LRGUK: variants seen among roughly 807,000 people sequenced by gnomAD.
The protein encoded by LRGUK is leucine-rich repeat and guanylate kinase domain-containing protein.
A neutral mutation model predicts 76.0 loss-of-function variants in LRGUK; 65 were observed. The ratio of observed to expected loss-of-function variants is 0.85; its 90% confidence interval spans 0.70 to 1.05. LRGUK has a LOEUF of 1.05. Ranked by LOEUF, LRGUK falls within the 50% of genes least tolerant of loss-of-function variation. The pLI, the probability that LRGUK is intolerant of heterozygous loss-of-function variation, is 0.00. For missense variants in LRGUK, 758 were observed against 732.8 expected, an observed-to-expected ratio of 1.03 and a Z score of -0.40; for synonymous variants, 268 against 265.6, an observed-to-expected ratio of 1.01 and a Z score of -0.09.
chr7:134,148,992 A>T (rs1040785421), intron 5 of LRGUK, among the ~76,000 whole-genome samples: 2 of 152,130 alleles, frequency 1.3e-5, no homozygotes, highest in African/African-American at 4.8e-5. Flanking sequence ...AGTATTTGAA[A>T]ATCTAGATAT....
chr7:134,164,376 G>A (rs1798884475), intron 7 of LRGUK, among the ~76,000 whole-genome samples: 1 of 152,030 alleles, frequency 6.6e-6, no homozygotes, highest in Non-Finnish European at 1.5e-5. Flanking sequence ...TTGGGGACTG[G>A]GTTTACTCAA....
exon 20 of LRGUK, chr7:134,264,307 G>A (rs1431472402): frequency 5.2e-6 from 1 of 190,910 alleles, no homozygotes; most frequent in Middle Eastern, 1.8e-3. Flanking sequence ...GGAAATATCA[G>A]ATGGAAAAAT....
At chr7:134,203,621 C>A (rs1340933236) in intron 15 of LRGUK, among the ~76,000 whole-genome samples, 1 of 152,130 alleles carries the variant, frequency 6.6e-6, no homozygotes, top group Admixed American at 6.5e-5. Flanking sequence ...CAGGGTATGA[C>A]CTGCTGACTG....
chr7:134,156,761 T>C (rs1450401482), intron 5 of LRGUK, among the ~76,000 whole-genome samples: 1 of 152,154 alleles, frequency 6.6e-6, no homozygotes, highest in Non-Finnish European at 1.5e-5. Flanking sequence ...CTGCCTACAG[T>C]GTGTAGAGTG....
intron 16 of LRGUK, among the ~76,000 whole-genome samples, chr7:134,230,866 G>T (rs1342299793): frequency 6.6e-6 from 1 of 152,212 alleles, no homozygotes; most frequent in East Asian, 1.9e-4. Context: ...TCAGGAGAGT[G>T]CTTATCTCCA....
At chr7:134,129,053 T>TTTTC (rs913292145) in intron 1 of LRGUK, among the ~76,000 whole-genome samples, 6 of 149,762 alleles carry the variant, frequency 4.0e-5, no homozygotes, top group African/African-American at 1.0e-4. Flanking sequence ...TTCTTTTCTT[T>TTTTC]TTTCTTTCTT....
intron 19 of LRGUK, among the ~76,000 whole-genome samples, chr7:134,260,333 G>C (rs540283894): frequency 6.6e-6 from 1 of 152,178 alleles, no homozygotes; most frequent in Non-Finnish European, 1.5e-5. Context: ...ACACATAGCA[G>C]AAGATTGTGT....
At chr7:134,238,689 T>A (rs1191515793) in intron 16 of LRGUK, among the ~76,000 whole-genome samples, 2 of 152,174 alleles carry the variant, frequency 1.3e-5, no homozygotes, top group African/African-American at 2.4e-5. Context: ...GATTGCAGAT[T>A]TTTTTTCTGG....
intron 18 of LRGUK, 80 bp downstream of exon 18, chr7:134,249,156 C>G: frequency 7.3e-7 from 1 of 1,372,038 alleles, no homozygotes; most frequent in Non-Finnish European, 9.6e-7. Flanking sequence ...CTCTAAGCTT[C>G]AGAGAAATCC....
At chr7:134,199,326 G>C in exon 14 of LRGUK, 2 of 1,613,776 alleles carry the variant, frequency 1.2e-6, no homozygotes, top group Non-Finnish European at 1.7e-6. Flanking sequence ...GGATTATTCA[G>C]TCGTGCAGAA....
chr7:134,179,903 A>C (rs1277922589), intron 10 of LRGUK, among the ~76,000 whole-genome samples: 1 of 152,200 alleles, frequency 6.6e-6, no homozygotes, highest in Non-Finnish European at 1.5e-5. Flanking sequence ...TGTCAGCACC[A>C]GAAGTCAGGA....
chr7:134,139,327 A>G, intron 2 of LRGUK, 109 bp from the exon 3 acceptor site: 2 of 705,190 alleles, frequency 2.8e-6, no homozygotes, highest in Non-Finnish European at 4.9e-6. Flanking sequence ...CTCTTCTTCT[A>G]TACTTGTGAA....
intron 4 of LRGUK, among the ~76,000 whole-genome samples, chr7:134,147,732 A>G (rs1020992101): frequency 6.6e-6 from 1 of 152,230 alleles, no homozygotes; most frequent in East Asian, 1.9e-4. Flanking sequence ...CCTTCTTACT[A>G]TCCCTCAAAG....
intron 1 of LRGUK, among the ~76,000 whole-genome samples, chr7:134,129,278 C>T (rs1186226083): frequency 2.2e-5 from 3 of 137,886 alleles, no homozygotes; most frequent in Admixed American, 1.4e-4. Flanking sequence ...CCCTTCCTCC[C>T]TCCCTCCACT....
downstream of LRGUK, among the ~76,000 whole-genome samples, chr7:134,213,968 T>C (rs1801364019): frequency 1.3e-5 from 2 of 152,252 alleles, no homozygotes; most frequent in Non-Finnish European, 2.9e-5. Flanking sequence ...TTATAGTGAC[T>C]ACATTAGTAA....
intron 4 of LRGUK, among the ~76,000 whole-genome samples, chr7:134,144,234 G>C (rs915995960): frequency 6.6e-6 from 1 of 152,182 alleles, no homozygotes; most frequent in African/African-American, 2.4e-5. Flanking sequence ...CGACTCCTGG[G>C]CTCAAGTGGT....
chr7:134,192,178 G>A (rs1436202), intron 12 of LRGUK, among the ~76,000 whole-genome samples: 1,824 of 152,244 alleles, frequency 0.012, 37 homozygotes, highest in African/African-American at 0.042. Flanking sequence ...GTCTTTCTGT[G>A]TATTATCTGT....
chr7:134,200,453 G>C (rs1202269834), intron 14 of LRGUK, among the ~76,000 whole-genome samples: 2 of 151,950 alleles, frequency 1.3e-5, no homozygotes, highest in African/African-American at 4.8e-5. Context: ...AAAAAGACAG[G>C]TTTACAATAT....
chr7:134,247,661 T>G lies in LRGUK; in HGVS notation c.2072+17T>G. ...ATTTCAAAGGTAGCAATTTATCACA[T>G]GAGCAACTTTAGATTGATTTCCTAG... On this transcript the variant is annotated intron_variant, in intron 17 of 19. Transcript: ENST00000285928. 1 of 1,570,746 alleles carries G rather than the reference T, an allele frequency of 6.4e-7. No individual in the cohort carries two copies. Among genetic ancestry groups the G allele is most frequent in the South Asian group, 1.1e-5 (1 of 89,976 alleles).
Sources: gnomAD v4.1 joint callset for allele counts (sites outside exome capture counted in the v4.1 genomes callset) on GRCh38, gnomAD v4.1.1 for gene constraint, MANE v1.5 for transcripts, NCBI Gene and HGNC (gene_info 2026-07-23, HGNC 2026-07-21) for gene names.